Variants in NAALADL2 observed in about 807,000 individuals in gnomAD.
NAALADL2 encodes inactive N-acetylated-alpha-linked acidic dipeptidase-like protein 2.
A neutral mutation model predicts 87.2 loss-of-function variants in NAALADL2; 76 were observed. That is an observed-to-expected ratio of 0.87 (90% CI 0.72 to 1.05). The LOEUF is 1.05. Ranked by LOEUF, NAALADL2 falls within the 50% of genes least tolerant of loss-of-function variation. The pLI, the probability that NAALADL2 is intolerant of heterozygous loss-of-function variation, is 0.00. For missense variants in NAALADL2, 1,089 were observed against 945.8 expected (o/e 1.15, Z -1.99); for synonymous variants, 354 against 331.0 (o/e 1.07, Z -0.75).
intron 2 of NAALADL2, among the ~76,000 whole-genome samples, chr3:175,166,032 A>C (rs1580761032): frequency 1.7e-5 from 2 of 119,538 alleles, no homozygotes; most frequent in East Asian, 2.7e-4. Context: ...CATATAAGGG[A>C]CTCCATATTT....
chr3:175,790,552 A>C (rs1411215202), intron 13 of NAALADL2, among the ~76,000 whole-genome samples: 2 of 152,154 alleles, frequency 1.3e-5, no homozygotes, highest in African/African-American at 4.8e-5. Flanking sequence ...TGGGGATTGG[A>C]ATTCTAGATT....
At chr3:175,607,219 T>A (rs1723879156) in intron 10 of NAALADL2, among the ~76,000 whole-genome samples, 1 of 151,006 alleles carries the variant, frequency 6.6e-6, no homozygotes, top group African/African-American at 2.4e-5. Flanking sequence ...TATGCACACA[T>A]GCTAAAGAAA....
intron 4 of NAALADL2, among the ~76,000 whole-genome samples, chr3:175,303,895 G>T (rs2110242900): frequency 6.6e-6 from 1 of 152,258 alleles, no homozygotes; most frequent in Non-Finnish European, 1.5e-5. Flanking sequence ...AAGCCAATAG[G>T]ACAGCAGTGG....
At chr3:175,200,870 A>C (rs962885736) in intron 2 of NAALADL2, among the ~76,000 whole-genome samples, 2 of 152,130 alleles carry the variant, frequency 1.3e-5, no homozygotes, top group African/African-American at 4.8e-5. Flanking sequence ...ATTCCAGACT[A>C]TACTGTACTT....
At chr3:174,938,336 T>C (rs1319545221) in intron 1 of NAALADL2, among the ~76,000 whole-genome samples, 3 of 152,128 alleles carry the variant, frequency 2.0e-5, no homozygotes, top group Admixed American at 6.6e-5. Context: ...TCTATCCATG[T>C]TTCTGCAAAA....
chr3:175,736,268 C>T (rs1744492502), intron 11 of NAALADL2, among the ~76,000 whole-genome samples: 2 of 152,254 alleles, frequency 1.3e-5, no homozygotes, highest in South Asian at 4.1e-4. Flanking sequence ...CAGATATGAG[C>T]TTTGGGGATG....
intron 2 of NAALADL2, among the ~76,000 whole-genome samples, chr3:174,595,544 G>A (rs187872157): frequency 6.6e-6 from 1 of 152,246 alleles, no homozygotes; most frequent in African/African-American, 2.4e-5. Flanking sequence ...ACTTTCAGTT[G>A]AACTCCCACC....
chr3:174,711,950 C>T (rs1238341311), intron 2 of NAALADL2, among the ~76,000 whole-genome samples: 2 of 152,100 alleles, frequency 1.3e-5, no homozygotes, highest in African/African-American at 4.8e-5. Context: ...CAGGCGCATG[C>T]CACCACACCT....
intron 5 of NAALADL2, among the ~76,000 whole-genome samples, chr3:175,435,368 C>A: frequency 6.6e-6 from 1 of 152,076 alleles, no homozygotes; most frequent in East Asian, 1.9e-4. Context: ...AAAATATATT[C>A]TCATAATTCT....
At chr3:175,794,026 A>C (rs533534804) in intron 13 of NAALADL2, among the ~76,000 whole-genome samples, 65 of 152,308 alleles carry the variant, frequency 4.3e-4, no homozygotes, top group Middle Eastern at 3.4e-3. Flanking sequence ...AATAAAGCTG[A>C]ATTACCTATT....
chr3:175,325,919 G>A (rs1760650733), intron 5 of NAALADL2, among the ~76,000 whole-genome samples: 1 of 152,016 alleles, frequency 6.6e-6, no homozygotes, highest in Non-Finnish European at 1.5e-5. Context: ...TCAAATAGTG[G>A]CACCCTTTCT....
In NAALADL2 at chr3:175,685,814, G is replaced by A. The variant is rs376685752; in HGVS notation, c.1897-51492G>A. On this transcript the variant is annotated intron_variant, in intron 11 of 13. Transcript: ENST00000454872. ...CGAAAGAATTCTTACTTGAGGAAGA[G>A]TCAGTCTTCTTGTTCTATTCAGGCT... Among the ~76,000 whole-genome samples, 122 of 152,274 alleles carry A rather than the reference G, an allele frequency of 8.0e-4. 1 individual carries two copies. Among genetic ancestry groups the A allele is most frequent in the African/African-American group, 2.8e-3 (117 of 41,562 alleles).
chr3:175,598,350 A>ATTT (rs371148260), intron 10 of NAALADL2, among the ~76,000 whole-genome samples: 6,179 of 147,658 alleles, frequency 0.042, 429 homozygotes, highest in African/African-American at 0.14. Context: ...TAGCCCTAAG[A>ATTT]TTTTTTTTTT....
intron 4 of NAALADL2, among the ~76,000 whole-genome samples, chr3:175,280,388 C>G (rs878964341): frequency 6.6e-6 from 1 of 152,052 alleles, no homozygotes; most frequent in Non-Finnish European, 1.5e-5. Flanking sequence ...AAGATTTTAT[C>G]AAGAAATTAA....
At position 175,290,738 on chromosome 3, in the gene NAALADL2, A is replaced by G. The variant is rs533588201; in HGVS notation, c.940-33437A>G. Among the ~76,000 whole-genome samples, 4 of 152,288 alleles carry G rather than the reference A, an allele frequency of 2.6e-5. No individual in the cohort carries two copies. The South Asian group carries it at 6.2e-4, about 24-fold the overall frequency. ...TCCAATAATGGAACGCTAGGCATAA[A>G]GTTTATTTAAAATATGAAATGAAGT... On this transcript the variant is annotated intron_variant, in intron 4 of 13. Transcript: ENST00000454872.
At chr3:174,705,302 G>T (rs1238648935) in intron 2 of NAALADL2, among the ~76,000 whole-genome samples, 3 of 152,130 alleles carry the variant, frequency 2.0e-5, no homozygotes, top group African/African-American at 7.2e-5. Flanking sequence ...CATACAGACA[G>T]TAGCCCCAGT....
At chr3:174,943,757 G>C (rs915848503) in intron 1 of NAALADL2, among the ~76,000 whole-genome samples, 1 of 152,162 alleles carries the variant, frequency 6.6e-6, no homozygotes, top group Non-Finnish European at 1.5e-5. Context: ...TGGGACCCAT[G>C]GGAGATTGAC....
chr3:175,773,040 A>G (rs1024868714), intron 13 of NAALADL2: 6 of 152,292 alleles, frequency 3.9e-5, no homozygotes, highest in African/African-American at 4.8e-5. Context: ...ATCCTGGTTA[A>G]CAGGTAGATG....
intron 1 of NAALADL2, among the ~76,000 whole-genome samples, chr3:175,003,647 T>C (rs1213401987): frequency 2.6e-5 from 4 of 152,156 alleles, no homozygotes; most frequent in African/African-American, 4.8e-5. Context: ...AAAAAAAATA[T>C]ACCTTCAGAG....
Sources: allele counts gnomAD v4.1 joint callset (sites outside exome capture counted in the v4.1 genomes callset), GRCh38; gene constraint gnomAD v4.1.1; transcripts MANE v1.5; gene names NCBI Gene and HGNC (gene_info 2026-07-23, HGNC 2026-07-21).